The following CPPED1 variants were observed in gnomAD, a reference collection of about 807,000 sequenced individuals.
The protein encoded by CPPED1 is serine/threonine-protein phosphatase CPPED1.
CPPED1 carries 28 observed loss-of-function variants against 28.0 expected under a neutral mutation model. The ratio of observed to expected loss-of-function variants is 1.00; its 90% confidence interval spans 0.74 to 1.37. The LOEUF is 1.37. CPPED1 is among the 40% of genes most tolerant of loss of function. CPPED1 has a pLI of 0.00. For synonymous variants in CPPED1, 198 were observed against 180.2 expected, an observed-to-expected ratio of 1.10 and a Z score of -0.79; for missense variants, 504 against 416.5, an observed-to-expected ratio of 1.21 and a Z score of -1.83.
At chr16:12,724,784 C>T (rs72779056) in intron 2 of CPPED1, among the ~76,000 whole-genome samples, 22,102 of 152,132 alleles carry the variant, frequency 0.15, 1,752 homozygotes, top group Admixed American at 0.17. Flanking sequence ...TGAAATGACA[C>T]GATTCTTTTT....
intron 2 of CPPED1, among the ~76,000 whole-genome samples, chr16:12,726,340 CTT>C (rs35865113): frequency 0.32 from 34,342 of 107,406 alleles, 6,685 homozygotes; most frequent in African/African-American, 0.57. Flanking sequence ...GCACCCAGCC[CTT>C]TTTTTTTTTT....
At position 12,690,279 on chromosome 16, in the gene CPPED1, A is replaced by C. The variant is rs553350489; in HGVS notation, c.715+14345T>G. Among the ~76,000 whole-genome samples the C allele has an allele frequency of 7.2e-4, 109 of 152,252 alleles. 2 individuals are homozygous for C. The highest frequency in any genetic ancestry group is 3.4e-3 in the Middle Eastern group (1 of 294). On this transcript the variant is annotated intron_variant, in intron 3 of 3. Coordinates refer to ENST00000381774, the MANE Select transcript of CPPED1 (RefSeq NM_018340.3). ...ATAACCACAGCACTTTGGGAGGCCA[A>C]GGCAGGCAGACTGCTTGAGCTCAGG...
rs1391249768 is a variant in CPPED1, at chr16:12,720,900, C to G, written c.290-15851G>C. 4.6e-5 allele frequency among the ~76,000 whole-genome samples: 7 copies of G among 152,276 alleles called. No individual in the cohort carries two copies. The East Asian group carries it at 5.8e-4, about 13-fold the overall frequency. ...CCAATTCATTTATCCCTCAGTTAAA[C>G]TGTTTTGGCATGGGGGACTAAAAGT... On this transcript the variant is annotated intron_variant, in intron 2 of 3. Transcript: ENST00000381774.
intron 1 of CPPED1, among the ~76,000 whole-genome samples, chr16:12,794,540 C>G (rs77000363): frequency 0.037 from 5,394 of 146,638 alleles, 228 homozygotes; most frequent in East Asian, 0.11. Flanking sequence ...GGTTGCATAT[C>G]TCTTATCTGA....
chr16:12,697,144 C>A (rs1176274116), intron 3 of CPPED1, among the ~76,000 whole-genome samples: 2 of 152,116 alleles, frequency 1.3e-5, no homozygotes, highest in Non-Finnish European at 2.9e-5. Flanking sequence ...CCTGCCTTAG[C>A]CTCCCAAGTA....
chr16:12,733,871 T>C (rs1035325224), intron 2 of CPPED1, among the ~76,000 whole-genome samples: 14 of 152,152 alleles, frequency 9.2e-5, no homozygotes, highest in Admixed American at 5.9e-4. Flanking sequence ...CTTCTTAATC[T>C]GCATGCATTT....
chr16:12,667,913 A>C (rs2079834021), intron 3 of CPPED1, among the ~76,000 whole-genome samples: 2 of 152,226 alleles, frequency 1.3e-5, no homozygotes, highest in Non-Finnish European at 2.9e-5. Context: ...ATGACAGTTA[A>C]TTCCTACTGA....
intron 2 of CPPED1, among the ~76,000 whole-genome samples, chr16:12,719,134 A>G (rs1391574846): frequency 6.6e-6 from 1 of 151,904 alleles, no homozygotes; most frequent in Non-Finnish European, 1.5e-5. Flanking sequence ...TCACTACCAT[A>G]AGAACAGTAT....
chr16:12,772,695 A>G (rs1374450469), intron 2 of CPPED1, among the ~76,000 whole-genome samples: 1 of 152,232 alleles, frequency 6.6e-6, no homozygotes, highest in Non-Finnish European at 1.5e-5. Flanking sequence ...AACTCGGGGA[A>G]TGACATTAAA....
chr16:12,665,018 C>G lies in CPPED1; in HGVS notation c.813G>C (p.Leu271=), dbSNP rs2079817544. Residue 271 remains leucine (L), a synonymous_variant, in exon 4 of 4, where the codon CTG becomes CTC. Coordinates refer to ENST00000381774, the MANE Select transcript of CPPED1 (RefSeq NM_018340.3). ...CTCGGAGCCCGTGGGGGTCTCTGCC[C>G]AGCTGGCATCCAATGGCAGATGACA... The part of the protein sequence containing the change: ...MVVSSAIGCQ[L]GRDPHGLRVV... 6.2e-7 allele frequency: 1 copy of G among 1,609,834 alleles called. No homozygotes were observed. Among genetic ancestry groups the G allele is most frequent in the Admixed American group, 1.7e-5 (1 of 58,442 alleles).
At position 12,704,921 on chromosome 16, in the gene CPPED1, C is replaced by G; in HGVS notation, c.418G>C (p.Glu140Gln). ...IGNTPTAETV[E>Q]EFCRTWGDDY... ...TCTCCCCAAGTCCGGCAGAACTCCT[C>G]GACGGTCTCGGCCGTGGGGGTGTTG... The change falls in exon 3 of 4, where the codon GAG (glutamate) becomes CAG (glutamine). Residue 140 changes from glutamate to glutamine, a missense_variant. Glu to Gln is a conservative substitution (Grantham distance 29). Transcript: ENST00000381774. 6.2e-7 allele frequency: 1 copy of G among 1,614,148 alleles called. No homozygotes were observed. The highest frequency in any genetic ancestry group is 8.5e-7 in the Non-Finnish European group (1 of 1,180,038).
At chr16:12,784,892 T>C (rs1204814394) in intron 1 of CPPED1, among the ~76,000 whole-genome samples, 1 of 152,238 alleles carries the variant, frequency 6.6e-6, no homozygotes, top group Non-Finnish European at 1.5e-5. Flanking sequence ...TCTTTCATTA[T>C]TACTTGTTTA....
intron 1 of CPPED1, among the ~76,000 whole-genome samples, chr16:12,793,911 A>G (rs566338345): frequency 3.7e-4 from 57 of 152,364 alleles, no homozygotes; most frequent in African/African-American, 1.3e-3. Flanking sequence ...CTTTCTAGCT[A>G]AAGAGCAAAT....
intron 3 of CPPED1, among the ~76,000 whole-genome samples, chr16:12,675,064 C>T (rs568614019): frequency 2.6e-5 from 4 of 152,174 alleles, no homozygotes; most frequent in Non-Finnish European, 4.4e-5. Flanking sequence ...GCCACAAGGA[C>T]CTATAAGAAG....
chr16:12,787,487 C>G (rs1279260477), intron 1 of CPPED1, among the ~76,000 whole-genome samples: 1 of 150,076 alleles, frequency 6.7e-6, no homozygotes, highest in Non-Finnish European at 1.5e-5. Flanking sequence ...CTCACTGCAA[C>G]CTCTGCGTCT....
intron 3 of CPPED1, among the ~76,000 whole-genome samples, chr16:12,701,437 G>A (rs2080020190): frequency 6.6e-6 from 1 of 152,160 alleles, no homozygotes; most frequent in Non-Finnish European, 1.5e-5. Flanking sequence ...GGGAGGCTGA[G>A]GCAGGAGAAT....
chr16:12,786,883 G>T (rs1171739132), intron 1 of CPPED1, among the ~76,000 whole-genome samples: 2 of 152,216 alleles, frequency 1.3e-5, no homozygotes, highest in African/African-American at 4.8e-5. Flanking sequence ...CTGCACTCCA[G>T]CCTGGGTGAC....
chr16:12,795,873 C>G (rs1286726438), intron 1 of CPPED1, among the ~76,000 whole-genome samples: 1 of 152,104 alleles, frequency 6.6e-6, no homozygotes, highest in Non-Finnish European at 1.5e-5. Context: ...CACTTGAGGT[C>G]AGGAATTCAA....
chr16:12,758,729 T>C lies in CPPED1; in HGVS notation c.289+22456A>G, dbSNP rs147724612. Reference sequence around the variant, plus strand: ...CTGTGTTAATAAAGTAGGCTGATTATACAGTTTACTACAAGTAGAAGGAAT... The same window carrying C: ...CTGTGTTAATAAAGTAGGCTGATTACACAGTTTACTACAAGTAGAAGGAAT... On this transcript the variant is annotated intron_variant, in intron 2 of 3. Transcript: ENST00000381774. Among the ~76,000 whole-genome samples the C allele has an allele frequency of 3.3e-5, 5 of 152,294 alleles. No homozygotes were observed. In the East Asian group the frequency reaches 9.7e-4, roughly 29 times the overall value.
Sources: gnomAD v4.1 joint callset for allele counts (sites outside exome capture counted in the v4.1 genomes callset) on GRCh38, gnomAD v4.1.1 for gene constraint, MANE v1.5 for transcripts, NCBI Gene and HGNC (gene_info 2026-07-23, HGNC 2026-07-21) for gene names.